NRXN3: variants seen among roughly 807,000 people sequenced by gnomAD.
The protein encoded by NRXN3 is neurexin 3.
In NRXN3, 32 loss-of-function variants were observed where a neutral mutation model predicts 137.6. The observed-to-expected ratio is 0.23, with a 90% CI of 0.18 to 0.31. The LOEUF (loss-of-function observed/expected upper bound fraction) is 0.31. Ranked by LOEUF, NRXN3 falls within the 10% of genes least tolerant of loss-of-function variation. NRXN3 has a pLI of 1.00. For synonymous variants in NRXN3, 798 were observed against 784.5 expected (o/e 1.02, Z -0.29); for missense variants, 1,574 against 2,062.5 (o/e 0.76, Z 4.59).
intron 15 of NRXN3, among the ~76,000 whole-genome samples, chr14:79,251,809 T>G (rs918964765): frequency 1.3e-5 from 2 of 151,924 alleles, no homozygotes; most frequent in African/African-American, 4.8e-5. Context: ...TTCTCTCTTT[T>G]CTTTTTGTTT....
chr14:79,862,227 A>C lies in NRXN3; in HGVS notation c.*263A>C. 1 of 404,084 alleles carries C rather than the reference A, an allele frequency of 2.5e-6. No individual in the cohort carries two copies. 25.0% of individuals were successfully genotyped at this position (404,084 alleles called of 1,614,324 possible). A position where few individuals can be genotyped will look rare whatever the true frequency, so the allele number is the denominator to read the frequency against. Reference sequence around the variant, plus strand: ...AGGTTTTGTGCCCTGCTGTATCATAAAGCACACACTTAGCGCTCTGGAGCC... The same window carrying C: ...AGGTTTTGTGCCCTGCTGTATCATACAGCACACACTTAGCGCTCTGGAGCC... On this transcript the variant is annotated 3_prime_UTR_variant, in exon 21 of 21. Coordinates refer to ENST00000335750, the MANE Select transcript of NRXN3 (RefSeq NM_001330195.2).
intron 10 of NRXN3, among the ~76,000 whole-genome samples, chr14:78,885,280 G>A (rs1399091181): frequency 1.3e-5 from 2 of 151,028 alleles, no homozygotes; most frequent in African/African-American, 4.9e-5. Context: ...ATTAAATGTG[G>A]TTACAATTTT....
At chr14:79,034,208 C>T (rs375267573) in intron 15 of NRXN3, among the ~76,000 whole-genome samples, 43 of 152,106 alleles carry the variant, frequency 2.8e-4, no homozygotes, top group African/African-American at 9.9e-4. Flanking sequence ...CTTATGCTCC[C>T]TCATGTTTAA....
chr14:79,444,782 C>A lies in NRXN3; in HGVS notation c.3263-22439C>A, dbSNP rs944443288. 1.1e-4 allele frequency among the ~76,000 whole-genome samples: 16 copies of A among 152,252 alleles called. No individual in the cohort carries two copies. The East Asian group carries it at 3.1e-3, about 30-fold the overall frequency. ...GTTCTAGACTGCAGTGAGTTATGAT[C>A]ACCACTGCAGTCCAACCTGGGTGAC... On this transcript the variant is annotated intron_variant, in intron 15 of 20. Transcript: ENST00000335750.
intron 4 of NRXN3, among the ~76,000 whole-genome samples, chr14:78,586,689 G>A (rs2097066455): frequency 6.6e-6 from 1 of 152,206 alleles, no homozygotes; most frequent in African/African-American, 2.4e-5. Context: ...AGGAAGGTGA[G>A]CCATGTCCCC....
chr14:78,530,877 C>T (rs1277535649), intron 4 of NRXN3, among the ~76,000 whole-genome samples: 1 of 152,154 alleles, frequency 6.6e-6, no homozygotes, highest in Non-Finnish European at 1.5e-5. Context: ...TGTCCCCACC[C>T]CTGCCTTTCC....
intron 15 of NRXN3, among the ~76,000 whole-genome samples, chr14:79,105,512 C>A (rs933916692): frequency 2.6e-5 from 4 of 152,090 alleles, no homozygotes; most frequent in African/African-American, 9.7e-5. Flanking sequence ...TCGATTTATT[C>A]CTCCTCTGAG....
rs181140494 is a variant in NRXN3, at chr14:79,291,645, A to G, written c.3263-175576A>G. ...TAAGCAGTTTGAACCTGTCCTGTTC[A>G]AACTGCTTAAATACCCAACCTGATT... On this transcript the variant is annotated intron_variant, in intron 15 of 20. Coordinates refer to ENST00000335750, the MANE Select transcript of NRXN3 (RefSeq NM_001330195.2). 7.1e-4 allele frequency among the ~76,000 whole-genome samples: 103 copies of G among 145,150 alleles called. 1 individual carries two copies. In the East Asian group the frequency reaches 0.02, roughly 28 times the overall value.
intron 15 of NRXN3, among the ~76,000 whole-genome samples, chr14:79,269,709 C>T (rs1365764608): frequency 1.3e-5 from 2 of 152,142 alleles, no homozygotes; most frequent in Non-Finnish European, 1.5e-5. Context: ...AGCCAGCCAG[C>T]ATATTCTTCC....
intron 16 of NRXN3, among the ~76,000 whole-genome samples, chr14:79,588,618 G>A (rs144933819): frequency 0.013 from 1,949 of 152,330 alleles, 26 homozygotes; most frequent in Non-Finnish European, 0.017. Context: ...AAAGTTGACA[G>A]CCCTGATTCA....
At chr14:79,337,194 G>A (rs1363372382) in intron 15 of NRXN3, among the ~76,000 whole-genome samples, 1 of 152,184 alleles carries the variant, frequency 6.6e-6, no homozygotes, top group African/African-American at 2.4e-5. Context: ...CTGAATCTGA[G>A]TCGGGACCTT....
At chr14:79,232,743 T>A (rs2072483479) in intron 15 of NRXN3, among the ~76,000 whole-genome samples, 1 of 152,176 alleles carries the variant, frequency 6.6e-6, no homozygotes, top group Non-Finnish European at 1.5e-5. Context: ...ATAAACTGAT[T>A]ACCCGCGATG....
intron 4 of NRXN3, among the ~76,000 whole-genome samples, chr14:78,442,107 A>G (rs2094275365): frequency 6.6e-6 from 1 of 151,572 alleles, no homozygotes; most frequent in African/African-American, 2.4e-5. Context: ...AAAAGAAAAA[A>G]AAAAAAAAAA....
intron 4 of NRXN3, among the ~76,000 whole-genome samples, chr14:78,328,615 G>T (rs1464045223): frequency 6.6e-6 from 1 of 152,144 alleles, no homozygotes; most frequent in African/African-American, 2.4e-5. Context: ...GTTCAACATA[G>T]GCACATTAAT....
intron 8 of NRXN3, among the ~76,000 whole-genome samples, chr14:78,793,270 A>G (rs896778533): frequency 6.6e-6 from 1 of 152,182 alleles, no homozygotes; most frequent in Non-Finnish European, 1.5e-5. Context: ...AGCATTTAAA[A>G]GAAAATAAAG....
chr14:78,751,954 AG>A (rs2098644670), intron 8 of NRXN3, among the ~76,000 whole-genome samples: 1 of 152,212 alleles, frequency 6.6e-6, no homozygotes, highest in African/African-American at 2.4e-5. Context: ...AGTGGATCCC[AG>A]GATGCAAACT....
At chr14:78,342,221 G>A (rs556284992) in intron 4 of NRXN3, among the ~76,000 whole-genome samples, 5 of 152,280 alleles carry the variant, frequency 3.3e-5, no homozygotes, top group Admixed American at 6.5e-5. Context: ...ACAACACAGC[G>A]TATTTCCACT....
intron 16 of NRXN3, among the ~76,000 whole-genome samples, chr14:79,634,062 A>G (rs1199185192): frequency 1.3e-5 from 2 of 152,198 alleles, no homozygotes; most frequent in Non-Finnish European, 2.9e-5. Context: ...CTCACGAAAG[A>G]GTGTTACTCC....
intron 15 of NRXN3, among the ~76,000 whole-genome samples, chr14:79,293,042 C>T (rs2083456327): frequency 6.6e-6 from 1 of 152,124 alleles, no homozygotes; most frequent in Admixed American, 6.5e-5. Context: ...AGACAACCCC[C>T]TTCTTTGGGA....
Sources: allele counts gnomAD v4.1 joint callset (sites outside exome capture counted in the v4.1 genomes callset), GRCh38; gene constraint gnomAD v4.1.1; transcripts MANE v1.5; gene names NCBI Gene and HGNC (gene_info 2026-07-23, HGNC 2026-07-21).